Variants in RAD54L2 observed in about 807,000 individuals in gnomAD.
The protein encoded by RAD54L2 is helicase ARIP4.
RAD54L2 carries 27 observed loss-of-function variants against 138.4 expected under a neutral mutation model. The observed-to-expected ratio is 0.20, with a 90% CI of 0.14 to 0.27. The LOEUF (loss-of-function observed/expected upper bound fraction) is 0.27, where lower values mean the gene tolerates loss of function less well. RAD54L2 is among the 10% of genes least tolerant of loss of function. The pLI is 1.00. For missense variants in RAD54L2, 1,396 were observed against 1,890.2 expected, an observed-to-expected ratio of 0.74 and a Z score of 4.85; for synonymous variants, 644 against 723.2, an observed-to-expected ratio of 0.89 and a Z score of 1.76.
intron 3 of RAD54L2, among the ~76,000 whole-genome samples, chr3:51,617,998 G>A (rs555998743): frequency 4.0e-5 from 6 of 151,494 alleles, no homozygotes; most frequent in East Asian, 1.9e-4. Flanking sequence ...TCACTCTGTC[G>A]CTCAGGCTGG....
chr3:51,564,263 C>T (rs1699163550), intron 2 of RAD54L2, among the ~76,000 whole-genome samples: 1 of 152,178 alleles, frequency 6.6e-6, no homozygotes, highest in Admixed American at 6.5e-5. Context: ...CCACAGAATA[C>T]ATTAGATTTG....
chr3:51,641,756 C>G lies in RAD54L2; in HGVS notation c.2239C>G (p.Leu747Val). The G allele has an allele frequency of 6.3e-7, 1 of 1,581,534 alleles. No homozygotes were observed. Residue 747 changes from leucine to valine, a missense_variant, in exon 15 of 23, where the codon CTT becomes GTT. Leu to Val is a conservative substitution (Grantham distance 32). Around this residue, in one of 7 missense-constraint regions of RAD54L2, gnomAD observed 211 missense variants for 273.8 expected, o/e 0.77. Transcript: ENST00000684192. Reference protein sequence around the residue: ...GDKILVFSQSLSTLALIEEFL... With the variant: ...GDKILVFSQSVSTLALIEEFL... The stretch of plus-strand genomic sequence containing the variant: ...AAATGTTTTCTGTTTCAGCCAGAGT[C>G]TTTCCACCTTGGCTCTCATCGAGGA...
chr3:51,554,134 A>G lies in RAD54L2; in HGVS notation c.-55+12484A>G, dbSNP rs191989025. Among the ~76,000 whole-genome samples the G allele has an allele frequency of 5.9e-5, 9 of 152,160 alleles. No individual in the cohort carries two copies. In the South Asian group the frequency reaches 1.0e-3, roughly 18 times the overall value. ...ATCAACTTTTCCTATCACAAAAGAG[A>G]TCTCTGTAGGCTGGGCGTGATCAAG... On this transcript the variant is annotated intron_variant, in intron 2 of 22. Coordinates refer to ENST00000684192, the MANE Select transcript of RAD54L2 (RefSeq NM_015106.4).
intron 2 of RAD54L2, among the ~76,000 whole-genome samples, chr3:51,565,081 T>A (rs1372285970): frequency 6.6e-6 from 1 of 152,222 alleles, no homozygotes; most frequent in Non-Finnish European, 1.5e-5. Flanking sequence ...GTCTAATTGC[T>A]AGTCCTCAGG....
At position 51,662,678 on chromosome 3, in the gene RAD54L2, G is replaced by A. The variant is rs753848883; in HGVS notation, c.3662G>A (p.Gly1221Glu). Reference protein sequence around the residue: ...DSSAVPGTALGTEPRLGGHCL... With the variant: ...DSSAVPGTALETEPRLGGHCL... ...AGTGCTGTTCCCGGGACAGCTCTCG[G>A]AACTGAGCCTCGACTAGGGGGTCAT... is the stretch of plus-strand genomic sequence containing the variant. The change falls in exon 23 of 23, where the codon GGA (glycine) becomes GAA (glutamate). Residue 1221 changes from glycine (G) to glutamate (E), a missense_variant. Transcript: ENST00000684192. This position sits in a 1 kb window ranked among gnomAD's most constrained non-coding sequence, Gnocchi z 4.6. The A allele has an allele frequency of 1.2e-6, 2 of 1,613,844 alleles. No homozygotes were observed. The highest frequency in any genetic ancestry group is 1.7e-5 in the Admixed American group (1 of 59,994).
intron 2 of RAD54L2, among the ~76,000 whole-genome samples, chr3:51,545,119 T>G (rs1440445596): frequency 6.6e-6 from 1 of 152,224 alleles, no homozygotes; most frequent in Non-Finnish European, 1.5e-5. Context: ...TGGAGCTGTA[T>G]GTTCTGAGTT....
intron 2 of RAD54L2, among the ~76,000 whole-genome samples, chr3:51,550,190 C>G (rs951987223): frequency 1.3e-5 from 2 of 152,262 alleles, no homozygotes; most frequent in Non-Finnish European, 2.9e-5. Context: ...TGTGCTGCCT[C>G]CTAAGGGTCC....
intron 2 of RAD54L2, among the ~76,000 whole-genome samples, chr3:51,578,236 T>C (rs1201502855): frequency 6.7e-6 from 1 of 148,926 alleles, no homozygotes; most frequent in African/African-American, 2.5e-5. Flanking sequence ...TTATTTTACA[T>C]ACATGTTGAG....
rs369391503 is a variant in RAD54L2 at position 51,639,525 on chromosome 3, G to T, written c.1967G>T (p.Arg656Leu). Residue 656 changes from arginine (R) to leucine (L), a missense_variant, in exon 13 of 23, where the codon CGC becomes CTC. Arg to Leu is a moderately radical substitution (Grantham distance 102). This residue lies in a region of RAD54L2 where 211 missense variants were observed against 273.8 expected (regional missense o/e 0.77). Coordinates refer to ENST00000684192, the MANE Select transcript of RAD54L2 (RefSeq NM_015106.4). ...CTTGGCTCTGCAGGGACCAGTGCCCGCTGTCCACCACAGGGAACAAAAGGC... is the reference window on the plus strand; with the variant it reads ...CTTGGCTCTGCAGGGACCAGTGCCCTCTGTCCACCACAGGGAACAAAAGGC... ...EELGSAGTSARCPPQGTKGKG... is the reference protein window; with the variant it reads ...EELGSAGTSALCPPQGTKGKG... 9 of 1,613,994 alleles carry T rather than the reference G, an allele frequency of 5.6e-6. No individual in the cohort carries two copies. Among genetic ancestry groups the T allele is most frequent in the Non-Finnish European group, 6.8e-6 (8 of 1,179,898 alleles).
At chr3:51,632,843 A>T (rs1700883713) in intron 7 of RAD54L2, among the ~76,000 whole-genome samples, 1 of 149,514 alleles carries the variant, frequency 6.7e-6, no homozygotes, top group Admixed American at 6.7e-5. Context: ...CACTGAGCTG[A>T]GATTGCGCCT....
intron 2 of RAD54L2, among the ~76,000 whole-genome samples, chr3:51,586,575 T>G (rs1247596838): frequency 1.3e-5 from 2 of 151,558 alleles, no homozygotes; most frequent in Non-Finnish European, 3.0e-5. Context: ...CACTTTTTTT[T>G]TTTTTTTTTT....
At chr3:51,618,830 A>G (rs773957467) in intron 3 of RAD54L2, among the ~76,000 whole-genome samples, 11 of 152,204 alleles carry the variant, frequency 7.2e-5, no homozygotes, top group Non-Finnish European at 1.5e-4. Flanking sequence ...AATATCTTCT[A>G]TCCCACATGG....
At position 51,660,078 on chromosome 3, in the gene RAD54L2, C is replaced by G. The variant is rs1701721815; in HGVS notation, c.3369C>G (p.Gly1123=). ...DGRIFAVRAT[G]KPKVPEDGRM... ...GGATCTTTGCTGTCCGGGCAACTGG[C>G]AAACCAAAGGTTCCTGAAGATGGTC... Residue 1123 remains glycine, a synonymous_variant, in exon 22 of 23, where the codon GGC becomes GGG. Transcript: ENST00000684192. 1 of 1,600,736 alleles carries G rather than the reference C, an allele frequency of 6.2e-7. No individual in the cohort carries two copies. The highest frequency in any genetic ancestry group is 8.6e-7 in the Non-Finnish European group (1 of 1,168,922).
At chr3:51,650,435 C>A (rs996315181) in intron 19 of RAD54L2, among the ~76,000 whole-genome samples, 1 of 152,138 alleles carries the variant, frequency 6.6e-6, no homozygotes. Flanking sequence ...ACCAAGCAGA[C>A]CTAATAGACA....
intron 3 of RAD54L2, among the ~76,000 whole-genome samples, chr3:51,621,378 A>T (rs1442645171): frequency 2.6e-5 from 4 of 152,230 alleles, no homozygotes; most frequent in African/African-American, 9.6e-5. Flanking sequence ...GTGCCTGATG[A>T]TTTTAAAATT....
chr3:51,645,257 G>C lies in RAD54L2; in HGVS notation c.2656+28G>C. 1 of 1,566,686 alleles carries C rather than the reference G, an allele frequency of 6.4e-7. No individual in the cohort carries two copies. Among genetic ancestry groups the C allele is most frequent in the Non-Finnish European group, 8.7e-7 (1 of 1,144,940 alleles). On this transcript the variant is annotated intron_variant, in intron 17 of 22. Coordinates refer to ENST00000684192, the MANE Select transcript of RAD54L2 (RefSeq NM_015106.4). This position sits in a 1 kb window ranked among gnomAD's most constrained non-coding sequence, Gnocchi z 6.1. ...GGGCCATCTTCCAGACTTCGGAGAG[G>C]CACATCTATACAGGCTACCATCCTT...
At chr3:51,593,770 G>T (rs79970047) in intron 3 of RAD54L2, among the ~76,000 whole-genome samples, 1 of 152,090 alleles carries the variant, frequency 6.6e-6, no homozygotes, top group Non-Finnish European at 1.5e-5. Context: ...GGTGTATTGT[G>T]TTTGTTTTCT....
At chr3:51,641,959 C>T in intron 15 of RAD54L2, 92 bp downstream of exon 15, 1 of 880,466 alleles carries the variant, frequency 1.1e-6, no homozygotes, top group Non-Finnish European at 1.8e-6. Flanking sequence ...TCCACTCCAT[C>T]AAATGCATAG....
Position 51,630,739 on chromosome 3 carries a change from T to C in RAD54L2, c.633T>C (p.Thr211=). Residue 211 remains threonine (T), a synonymous_variant, in exon 7 of 23, where the codon ACT becomes ACC. Coordinates refer to ENST00000684192, the MANE Select transcript of RAD54L2 (RefSeq NM_015106.4). The stretch of plus-strand genomic sequence containing the variant: ...AACTGAGCTCTGGAGAGGAGGACAC[T>C]CTGCACATTGTGGACAGCAGTGAAT... ...VIELSSGEED[T]LHIVDSSESV... 6.2e-7 allele frequency: 1 copy of C among 1,614,004 alleles called. No individual in the cohort carries two copies. The highest frequency in any genetic ancestry group is 8.5e-7 in the Non-Finnish European group (1 of 1,179,884).
Sources: allele counts gnomAD v4.1 joint callset (sites outside exome capture counted in the v4.1 genomes callset), GRCh38; gene constraint gnomAD v4.1.1; regional missense constraint gnomAD v4.1.1; non-coding constraint Gnocchi (gnomAD v3.1); transcripts MANE v1.5; gene names NCBI Gene and HGNC (gene_info 2026-07-23, HGNC 2026-07-21).